Variants in RPL18A observed in about 807,000 individuals in gnomAD.
The protein encoded by RPL18A is large ribosomal subunit protein eL20.
For synonymous variants in RPL18A, 122 were observed against 96.9 expected, an observed-to-expected ratio of 1.26 and a Z score of -1.52; for missense variants, 163 against 254.1, an observed-to-expected ratio of 0.64 and a Z score of 2.44.
chr19:17,861,507 T>C, intron 2 of RPL18A, 35 bp downstream of exon 2: 1 of 1,515,720 alleles, frequency 6.6e-7, no homozygotes, highest in Non-Finnish European at 8.9e-7. Flanking sequence ...GGGTCTGGAG[T>C]GGATTTGCGC....
At chr19:17,863,090 G>A (rs2094280614) in intron 4 of RPL18A, 63 bp downstream of exon 4, 2 of 1,549,664 alleles carry the variant, frequency 1.3e-6, no homozygotes, top group South Asian at 1.1e-5. Flanking sequence ...GCCCAGTGGG[G>A]GGCGGCTACA....
rs770543845 is a variant in RPL18A, at chr19:17,859,968, G to A, written c.12G>A (p.Ser4=). The A allele has an allele frequency of 6.5e-6, 10 of 1,535,274 alleles. No homozygotes were observed. Among genetic ancestry groups the A allele is most frequent in the Middle Eastern group, 2.2e-4 (1 of 4,506 alleles). The change falls in exon 1 of 5, where the codon TCG becomes TCA. Residue 4 remains serine, a synonymous_variant. Transcript: ENST00000222247. Reference sequence around the variant, plus strand: ...GCGGAGAGCACGCCATGAAGGCCTCGGGCACGGTAAGGCGGGCGCGGCGCG... The same window carrying A: ...GCGGAGAGCACGCCATGAAGGCCTCAGGCACGGTAAGGCGGGCGCGGCGCG... MKA[S]GTLREYKVVG... is the part of the protein sequence containing the mutation.
chr19:17,862,808 G>A (rs776964698), intron 3 of RPL18A, 110 bp from the exon 4 acceptor site: 26 of 806,824 alleles, frequency 3.2e-5, no homozygotes, highest in African/African-American at 5.0e-5. Flanking sequence ...CCCTCAGGCA[G>A]TTGCTGTGAC....
In RPL18A at chr19:17,862,150, C is replaced by T. The variant is rs2094278613; in HGVS notation, c.255C>T (p.Asp85=). The part of the protein sequence containing the change: ...VKNFGIWLRY[D]SRSGTHNMYR... ...ACTTCGGGATCTGGCTGCGCTATGA[C>T]TCCCGGAGCGGCACCCACAACATGT... The change falls in exon 3 of 5, where the codon GAC becomes GAT. Residue 85 remains aspartate (D), a synonymous_variant. Transcript: ENST00000222247. 2 of 1,612,856 alleles carry T rather than the reference C, an allele frequency of 1.2e-6. No homozygotes were observed. The highest frequency in any genetic ancestry group is 1.7e-6 in the Non-Finnish European group (2 of 1,179,984).
intron 1 of RPL18A, 54 bp downstream of exon 1, chr19:17,860,028 AG>A: frequency 2.1e-6 from 3 of 1,445,358 alleles, no homozygotes; most frequent in South Asian, 1.4e-5. Flanking sequence ...GGGCCCCATC[AG>A]GGGCCTGCAT....
At chr19:17,860,849 G>GTCC (rs1377829709) in intron 1 of RPL18A, 4 of 184,140 alleles carry the variant, frequency 2.2e-5, no homozygotes, top group African/African-American at 9.6e-5. Flanking sequence ...CTGAGGTCTT[G>GTCC]TCCTAGTTCT....
intron 2 of RPL18A, 76 bp downstream of exon 2, chr19:17,861,548 A>G (rs1440067278): frequency 8.3e-7 from 1 of 1,201,394 alleles, no homozygotes; most frequent in African/African-American, 1.5e-5. Flanking sequence ...TCAAGAATTA[A>G]TCAGACATCG....
intron 1 of RPL18A, 62 bp from the exon 2 acceptor site, chr19:17,861,231 G>A: frequency 6.8e-7 from 1 of 1,477,008 alleles, no homozygotes; most frequent in Non-Finnish European, 9.4e-7. Flanking sequence ...GAAAGGGAGT[G>A]AGGTGGATCT....
chr19:17,863,204 G>A lies in RPL18A; in HGVS notation c.472G>A (p.Val158Ile). The change falls in exon 5 of 5, where the codon GTC becomes ATC. Residue 158 changes from valine to isoleucine, a missense_variant. Transcript: ENST00000222247. Reference sequence around the variant, plus strand: ...GATCAAGTTCCCGCTGCCCCACCGGGTCCTGCGCCGTCAGCACAAGCCACG... The same window carrying A: ...GATCAAGTTCCCGCTGCCCCACCGGATCCTGCGCCGTCAGCACAAGCCACG... ...SKIKFPLPHR[V>I]LRRQHKPRFT... 2 of 1,611,944 alleles carry A rather than the reference G, an allele frequency of 1.2e-6. No homozygotes were observed. The highest frequency in any genetic ancestry group is 1.7e-6 in the Non-Finnish European group (2 of 1,179,590).
At chr19:17,860,705 A>C (rs2094275714) in intron 1 of RPL18A, 1 of 153,774 alleles carries the variant, frequency 6.5e-6, no homozygotes, top group Non-Finnish European at 1.4e-5. Flanking sequence ...CCTGGACTTG[A>C]CCAAAGATTC....
At chr19:17,862,667 C>T in intron 3 of RPL18A, 1 of 750,350 alleles carries the variant, frequency 1.3e-6, no homozygotes. Flanking sequence ...GATCTTGTCG[C>T]CTTTGGGGGG....
At chr19:17,862,769 CCCA>C (rs777096431) in intron 3 of RPL18A, 146 bp from the exon 4 acceptor site, 9 of 760,376 alleles carry the variant, frequency 1.2e-5, no homozygotes, top group African/African-American at 3.4e-5. Flanking sequence ...ATCTCGCTTC[CCCA>C]CCACCACCTT....
chr19:17,862,083 C>T lies in RPL18A; in HGVS notation c.199-11C>T, dbSNP rs1277192285. 6 of 1,611,194 alleles carry T rather than the reference C, an allele frequency of 3.7e-6. No homozygotes were observed. The highest frequency in any genetic ancestry group is 5.1e-6 in the Non-Finnish European group (6 of 1,179,448). On this transcript the variant is annotated splice_polypyrimidine_tract_variant and intron_variant, in intron 2 of 4. Transcript: ENST00000222247. Reference sequence around the variant, plus strand: ...CTGCTCTCACATCTCCCTGTGGCCTCTCCTTGGCAGGTGTTTGAGAAGTCC... The same window carrying T: ...CTGCTCTCACATCTCCCTGTGGCCTTTCCTTGGCAGGTGTTTGAGAAGTCC...
intron 1 of RPL18A, among the ~76,000 whole-genome samples, chr19:17,860,540 C>T (rs554056005): frequency 6.6e-6 from 1 of 152,162 alleles, no homozygotes. Flanking sequence ...AGGGGCGGGC[C>T]CCATTGTTCC....
At chr19:17,862,018 A>G in intron 2 of RPL18A, 76 bp from the exon 3 acceptor site, 2 of 1,543,264 alleles carry the variant, frequency 1.3e-6, no homozygotes, top group South Asian at 2.4e-5. Flanking sequence ...CTTTAGAGGC[A>G]GAGGGTTCAG....
At position 17,859,982 on chromosome 19, in the gene RPL18A, G is replaced by GGGCGC; in HGVS notation, c.18+17_18+21dup. ...ATGAAGGCCTCGGGCACGGTAAGGC[G>GGGCGC]GGCGCGGCGCGGCAGGGGGCCAAGG... is the stretch of plus-strand genomic sequence containing the variant. On this transcript the variant is annotated intron_variant, in intron 1 of 4. Transcript: ENST00000222247. 2 of 1,521,812 alleles carry GGGCGC rather than the reference G, an allele frequency of 1.3e-6. No individual in the cohort carries two copies. Among genetic ancestry groups the GGGCGC allele is most frequent in the South Asian group, 1.2e-5 (1 of 81,350 alleles). The allele number at this position is 1,521,812 out of a possible 1,614,324, so 94.3% of individuals were successfully genotyped here.
At chr19:17,860,916 A>T in intron 1 of RPL18A, 1 of 235,804 alleles carries the variant, frequency 4.2e-6, no homozygotes, top group Non-Finnish European at 8.5e-6. Context: ...GTGAAAGAAG[A>T]TGTTGGCTGG....
In RPL18A at chr19:17,863,240, A is replaced by G; in HGVS notation, c.508A>G (p.Lys170Glu). The change falls in exon 5 of 5, where the codon AAG (lysine) becomes GAG (glutamate). Residue 170 changes from lysine to glutamate, a missense_variant. Coordinates refer to ENST00000222247, the MANE Select transcript of RPL18A (RefSeq NM_000980.4). ...RRQHKPRFTT[K>E]RPNTFF ...TCAGCACAAGCCACGCTTCACCACC[A>G]AGAGGCCCAACACCTTCTTCTAGGT... 6.2e-7 allele frequency: 1 copy of G among 1,601,012 alleles called. No homozygotes were observed. The highest frequency in any genetic ancestry group is 8.5e-7 in the Non-Finnish European group (1 of 1,170,192).
At chr19:17,863,141 AC>A in intron 4 of RPL18A, 29 bp from the exon 5 acceptor site, 1 of 1,591,974 alleles carries the variant, frequency 6.3e-7, no homozygotes, top group Non-Finnish European at 8.6e-7. Flanking sequence ...GAGGCTTCCA[AC>A]CCCCTCAACA....
Sources: allele counts gnomAD v4.1 joint callset (sites outside exome capture counted in the v4.1 genomes callset), GRCh38; gene constraint gnomAD v4.1.1; transcripts MANE v1.5; gene names NCBI Gene and HGNC (gene_info 2026-07-23, HGNC 2026-07-21).